Variants in SETBP1 observed in about 807,000 individuals in gnomAD.
The protein encoded by SETBP1 is SET-binding protein.
In SETBP1, 9 loss-of-function variants were observed where a neutral mutation model predicts 101.0. That is an observed-to-expected ratio of 0.09 (90% CI 0.05 to 0.16). The LOEUF (loss-of-function observed/expected upper bound fraction) is 0.16, where lower values mean the gene tolerates loss of function less well. SETBP1 is among the 10% of genes least tolerant of loss of function. SETBP1 has a pLI of 1.00. For missense variants in SETBP1, 1,858 were observed against 2,033.8 expected, an observed-to-expected ratio of 0.91 and a Z score of 1.66; for synonymous variants, 818 against 788.5, an observed-to-expected ratio of 1.04 and a Z score of -0.63.
chr18:44,968,103 T>A (rs981698640), intron 4 of SETBP1, among the ~76,000 whole-genome samples: 5 of 152,210 alleles, frequency 3.3e-5, no homozygotes, highest in African/African-American at 1.2e-4. Context: ...GCATATGGAA[T>A]GCTCCATGAA....
At chr18:44,904,896 T>G (rs1010664852) in intron 3 of SETBP1, among the ~76,000 whole-genome samples, 12 of 152,170 alleles carry the variant, frequency 7.9e-5, no homozygotes, top group Non-Finnish European at 1.3e-4. Context: ...GCACATCTCT[T>G]CTGCTCACAT....
chr18:44,859,378 G>T (rs2073033586), intron 2 of SETBP1, among the ~76,000 whole-genome samples: 1 of 152,106 alleles, frequency 6.6e-6, no homozygotes, highest in South Asian at 2.1e-4. Flanking sequence ...TGTCCCTGGG[G>T]ACCAGGCTGC....
At chr18:44,917,532 T>G (rs930482286) in intron 3 of SETBP1, among the ~76,000 whole-genome samples, 1 of 152,214 alleles carries the variant, frequency 6.6e-6, no homozygotes, top group Non-Finnish European at 1.5e-5. Context: ...TTTGTGGTTC[T>G]CTGATACAGT....
chr18:44,907,082 C>G (rs572024448), intron 3 of SETBP1, among the ~76,000 whole-genome samples: 141 of 152,236 alleles, frequency 9.3e-4, no homozygotes, highest in Admixed American at 4.4e-3. Context: ...ATACATTTGC[C>G]TTTTCTAGAT....
intron 2 of SETBP1, among the ~76,000 whole-genome samples, chr18:44,752,652 T>G (rs1329146194): frequency 6.6e-6 from 1 of 152,224 alleles, no homozygotes; most frequent in Non-Finnish European, 1.5e-5. Context: ...TGAGAACTCT[T>G]GTGTAACTGA....
chr18:44,886,831 A>G (rs980756359), intron 3 of SETBP1, among the ~76,000 whole-genome samples: 5 of 151,180 alleles, frequency 3.3e-5, no homozygotes, highest in Non-Finnish European at 7.4e-5. Context: ...GATACCACAC[A>G]AAGATAACAG....
chr18:44,811,380 C>T (rs1214231543), intron 2 of SETBP1, among the ~76,000 whole-genome samples: 2 of 152,244 alleles, frequency 1.3e-5, no homozygotes, highest in Non-Finnish European at 2.9e-5. Flanking sequence ...CATCGTTTGT[C>T]ATGTGTGTCT....
intron 4 of SETBP1, among the ~76,000 whole-genome samples, chr18:45,026,897 C>T (rs2073176190): frequency 6.6e-6 from 1 of 152,176 alleles, no homozygotes; most frequent in African/African-American, 2.4e-5. Flanking sequence ...TATCTATGAA[C>T]TTTAAGCTGG....
At chr18:44,939,676 G>A (rs953544771) in intron 3 of SETBP1, among the ~76,000 whole-genome samples, 6 of 152,134 alleles carry the variant, frequency 3.9e-5, no homozygotes, top group East Asian at 1.9e-4. Flanking sequence ...CTCCAACAAC[G>A]TATGATAGTG....
chr18:45,021,906 G>A (rs2073078033), intron 4 of SETBP1, among the ~76,000 whole-genome samples: 3 of 152,144 alleles, frequency 2.0e-5, no homozygotes. Flanking sequence ...AACTTCTAAT[G>A]TAGAATTTGT....
Position 44,950,950 on chromosome 18 carries a change from C to G in SETBP1, c.1610C>G (p.Pro537Arg). 1 of 1,614,154 alleles carries G rather than the reference C, an allele frequency of 6.2e-7. No homozygotes were observed. Among genetic ancestry groups the G allele is most frequent in the East Asian group, 2.2e-5 (1 of 44,884 alleles). Reference sequence around the variant, plus strand: ...AAACGAAGGTGGACTTGCAGCAAACCAAAACCTAGCACCATGCTTCGAGAG... The same window carrying G: ...AAACGAAGGTGGACTTGCAGCAAACGAAAACCTAGCACCATGCTTCGAGAG... ...AAKRRWTCSK[P>R]KPSTMLREAV... The change falls in exon 4 of 6, where the codon CCA (proline) becomes CGA (arginine). Residue 537 changes from proline to arginine, a missense_variant. This residue lies in a region of SETBP1 where 581 missense variants were observed against 535.1 expected (regional missense o/e 1.09). Coordinates refer to ENST00000649279, the MANE Select transcript of SETBP1 (RefSeq NM_015559.3).
At chr18:45,000,848 C>G (rs1172628095) in intron 4 of SETBP1, among the ~76,000 whole-genome samples, 2 of 150,694 alleles carry the variant, frequency 1.3e-5, no homozygotes, top group African/African-American at 4.9e-5. Context: ...CTGTACTAGA[C>G]AGAGTGCATG....
intron 2 of SETBP1, among the ~76,000 whole-genome samples, chr18:44,769,657 T>C (rs2070831922): frequency 6.6e-6 from 1 of 152,238 alleles, no homozygotes; most frequent in Non-Finnish European, 1.5e-5. Flanking sequence ...CAAAGCTTTA[T>C]TCTTTCCCAT....
intron 5 of SETBP1, among the ~76,000 whole-genome samples, chr18:45,052,229 A>G (rs2073734458): frequency 1.3e-5 from 2 of 152,250 alleles, no homozygotes; most frequent in Non-Finnish European, 2.9e-5. Context: ...CCATAATCAT[A>G]ATAGAGGGCA....
intron 5 of SETBP1, among the ~76,000 whole-genome samples, chr18:45,043,954 G>A (rs553547964): frequency 6.6e-6 from 1 of 152,326 alleles, no homozygotes; most frequent in East Asian, 1.9e-4. Flanking sequence ...CCATCTGTGG[G>A]AAGGGGCCCA....
chr18:45,032,975 C>T (rs770135732), intron 4 of SETBP1, among the ~76,000 whole-genome samples: 32 of 152,150 alleles, frequency 2.1e-4, no homozygotes, highest in South Asian at 6.2e-4. Context: ...TTGTTTTGAC[C>T]AGTGCCATAT....
At chr18:45,027,806 G>C (rs560368621) in intron 4 of SETBP1, among the ~76,000 whole-genome samples, 1 of 152,196 alleles carries the variant, frequency 6.6e-6, no homozygotes, top group Admixed American at 6.5e-5. Flanking sequence ...TTCAGTATTG[G>C]AGGACAGAAG....
intron 2 of SETBP1, among the ~76,000 whole-genome samples, chr18:44,745,273 C>T (rs532795087): frequency 6.6e-6 from 1 of 152,262 alleles, no homozygotes; most frequent in African/African-American, 2.4e-5. Flanking sequence ...TATGTATATA[C>T]ACACATACAC....
intron 2 of SETBP1, among the ~76,000 whole-genome samples, chr18:44,845,559 G>T (rs1417227225): frequency 6.6e-6 from 1 of 152,214 alleles, no homozygotes; most frequent in Non-Finnish European, 1.5e-5. Flanking sequence ...AAAGGAGGAA[G>T]ACTGCTGCTG....
Sources: gnomAD v4.1 joint callset for allele counts (sites outside exome capture counted in the v4.1 genomes callset) on GRCh38, gnomAD v4.1.1 for gene constraint, gnomAD v4.1.1 regional missense constraint, MANE v1.5 for transcripts, NCBI Gene and HGNC (gene_info 2026-07-23, HGNC 2026-07-21) for gene names.